SNCAIP: variants seen among roughly 807,000 people sequenced by gnomAD.
SNCAIP encodes synuclein alpha interacting protein, also known as synphilin-1.
A neutral mutation model predicts 86.7 loss-of-function variants in SNCAIP; 43 were observed. That is an observed-to-expected ratio of 0.50 (90% CI 0.39 to 0.64). The LOEUF is 0.64. SNCAIP is among the 30% of genes least tolerant of loss of function. The pLI, the probability that SNCAIP is intolerant of heterozygous loss-of-function variation, is 0.00. For synonymous variants in SNCAIP, 417 were observed against 427.2 expected, an observed-to-expected ratio of 0.98 and a Z score of 0.29; for missense variants, 981 against 1,103.1, an observed-to-expected ratio of 0.89 and a Z score of 1.57.
chr5:122,422,021 AAAAAAAAC>A (rs924257994), intron 3 of SNCAIP, among the ~76,000 whole-genome samples: 30 of 109,976 alleles, frequency 2.7e-4, no homozygotes, highest in African/African-American at 1.1e-3. Context: ...AAAAAAAAAA[AAAAAAAAC>A]CACTCTGCCT....
intron 5 of SNCAIP, among the ~76,000 whole-genome samples, chr5:122,430,285 A>G (rs1778158401): frequency 6.6e-6 from 1 of 152,172 alleles, no homozygotes; most frequent in South Asian, 2.1e-4. Context: ...CTCCTGGGCT[A>G]AAATCCCACA....
At chr5:122,357,087 T>G (rs1437621721) in intron 1 of SNCAIP, among the ~76,000 whole-genome samples, 4 of 152,178 alleles carry the variant, frequency 2.6e-5, no homozygotes, top group East Asian at 3.9e-4. Context: ...GGCCTTCCTG[T>G]CTTGTTTCTC....
chr5:122,451,440 C>T lies in SNCAIP; in HGVS notation c.2593C>T (p.Arg865Ter), dbSNP rs1049876894. ...DQLKRPFGAFRSIMETLSGNQ... is the reference protein window; with the variant it reads ...DQLKRPFGAF ...ACTGAAAAGGCCTTTTGGAGCCTTT[C>T]GATCTATCATGGAGACACTAAGTGG... is the stretch of plus-strand genomic sequence containing the variant. Residue 865 changes from arginine to a stop codon, truncating the protein, a stop_gained, in exon 10 of 11, where the codon CGA becomes TGA. Coordinates refer to ENST00000261368, the MANE Select transcript of SNCAIP (RefSeq NM_005460.4). LOFTEE classifies it high-confidence loss of function. The T allele has an allele frequency of 2.5e-6, 4 of 1,614,018 alleles. No homozygotes were observed. Among genetic ancestry groups the T allele is most frequent in the Non-Finnish European group, 3.4e-6 (4 of 1,179,984 alleles).
chr5:122,359,900 G>T (rs546633016), intron 1 of SNCAIP, among the ~76,000 whole-genome samples: 2 of 152,250 alleles, frequency 1.3e-5, no homozygotes, highest in Admixed American at 1.3e-4. Context: ...TAAAAATCTT[G>T]TTCTTTAACA....
chr5:122,429,749 G>T (rs527769129), intron 5 of SNCAIP, among the ~76,000 whole-genome samples: 2 of 152,262 alleles, frequency 1.3e-5, no homozygotes, highest in East Asian at 3.9e-4. Flanking sequence ...TGAGGGTAAG[G>T]GGTTCGTAAA....
intron 5 of SNCAIP, among the ~76,000 whole-genome samples, chr5:122,428,339 A>G (rs2152936492): frequency 6.6e-6 from 1 of 152,232 alleles, no homozygotes; most frequent in East Asian, 1.9e-4. Context: ...TTTTCTTAGT[A>G]TTTATATTTA....
At chr5:122,401,242 A>T (rs887319441) in intron 2 of SNCAIP, 1 of 1,006,108 alleles carries the variant, frequency 9.9e-7, no homozygotes, top group African/African-American at 1.7e-5. Context: ...CATACTTGTA[A>T]GGGAGACTTC....
At chr5:122,400,105 G>T (rs559341317) in intron 2 of SNCAIP, among the ~76,000 whole-genome samples, 2 of 152,090 alleles carry the variant, frequency 1.3e-5, no homozygotes, top group East Asian at 1.9e-4. Flanking sequence ...GGCATTTCAG[G>T]TAGATGGAGT....
chr5:122,410,886 C>T (rs1352214175), intron 3 of SNCAIP, among the ~76,000 whole-genome samples: 1 of 152,192 alleles, frequency 6.6e-6, no homozygotes, highest in Non-Finnish European at 1.5e-5. Flanking sequence ...TTAAACACAT[C>T]GCATCTTTGC....
intron 10 of SNCAIP, among the ~76,000 whole-genome samples, chr5:122,452,047 G>A (rs1397102582): frequency 6.6e-6 from 1 of 152,142 alleles, no homozygotes; most frequent in Non-Finnish European, 1.5e-5. Flanking sequence ...ATAAATAGAT[G>A]CTCTATTGCC....
At chr5:122,350,040 G>A (rs570132454) in intron 1 of SNCAIP, among the ~76,000 whole-genome samples, 4 of 152,208 alleles carry the variant, frequency 2.6e-5, no homozygotes, top group East Asian at 1.9e-4. Context: ...ATGAAGTTAG[G>A]GAATAATGGA....
rs537646383 is a variant in SNCAIP at position 122,348,508 on chromosome 5, T to C, written c.-47+36224T>C. On this transcript the variant is annotated intron_variant, in intron 1 of 10. Coordinates refer to ENST00000261368, the MANE Select transcript of SNCAIP (RefSeq NM_005460.4). The stretch of plus-strand genomic sequence containing the variant: ...TCTAAAACCCTATCAAGTTAATGTT[T>C]CTGTTCATCAGTTTGGGGCTGATTA... Among the ~76,000 whole-genome samples, 4 of 152,284 alleles carry C rather than the reference T, an allele frequency of 2.6e-5. No individual in the cohort carries two copies. The East Asian group carries it at 7.7e-4, about 29-fold the overall frequency.
At chr5:122,408,282 C>T (rs541934032) in intron 3 of SNCAIP, among the ~76,000 whole-genome samples, 3 of 152,280 alleles carry the variant, frequency 2.0e-5, no homozygotes, top group South Asian at 2.1e-4. Flanking sequence ...CAAGTAGGGC[C>T]GTCCATTCTG....
intron 1 of SNCAIP, among the ~76,000 whole-genome samples, chr5:122,342,033 T>C (rs1400278480): frequency 6.6e-6 from 1 of 152,190 alleles, no homozygotes; most frequent in African/African-American, 2.4e-5. Context: ...AGGGTGGAAC[T>C]AACACTTCTG....
intron 3 of SNCAIP, among the ~76,000 whole-genome samples, chr5:122,416,813 C>T (rs167349): frequency 0.42 from 63,292 of 151,948 alleles, 13,356 homozygotes; most frequent in East Asian, 0.6. Context: ...CCTCCTTTTG[C>T]TGTGAAAATG....
chr5:122,349,231 T>C (rs1023731261), intron 1 of SNCAIP, among the ~76,000 whole-genome samples: 5 of 152,194 alleles, frequency 3.3e-5, no homozygotes, highest in Admixed American at 3.3e-4. Flanking sequence ...CAACTCTGGT[T>C]ACACATTAAA....
At chr5:122,386,944 A>G (rs1768282833) in intron 1 of SNCAIP, among the ~76,000 whole-genome samples, 1 of 152,124 alleles carries the variant, frequency 6.6e-6, no homozygotes. Flanking sequence ...TGGTGGACAA[A>G]TCTTGAAAAA....
Position 122,363,788 on chromosome 5 carries a change from CTATTTATTTATTTATT to C in SNCAIP, c.-46-27267_-46-27252del, listed in dbSNP as rs143825884. ...TGAAAAAATAAGCATTTATTGTCAACTATTTATTTATTTATTTATTTATTTATTTATTTATTTATTT... is the reference window on the plus strand; with the variant it reads ...TGAAAAAATAAGCATTTATTGTCAACTATTTATTTATTTATTTATTTATTT... On this transcript the variant is annotated intron_variant, in intron 1 of 10. Coordinates refer to ENST00000261368, the MANE Select transcript of SNCAIP (RefSeq NM_005460.4). 1.4e-3 allele frequency among the ~76,000 whole-genome samples: 195 copies of C among 142,908 alleles called. 2 individuals are homozygous for C. The South Asian group carries it at 0.017, about 13-fold the overall frequency. 93.8% of individuals were successfully genotyped at this position (142,908 alleles called of 152,430 possible). A position where few individuals can be genotyped will look rare whatever the true frequency, so the allele number is the denominator to read the frequency against.
chr5:122,367,519 A>C (rs991372206), intron 1 of SNCAIP, among the ~76,000 whole-genome samples: 6 of 152,174 alleles, frequency 3.9e-5, no homozygotes, highest in African/African-American at 1.2e-4. Flanking sequence ...GTATGTGGTC[A>C]GGTTCCAAAA....
Sources: gnomAD v4.1 joint callset for allele counts (sites outside exome capture counted in the v4.1 genomes callset) on GRCh38, gnomAD v4.1.1 for gene constraint, MANE v1.5 for transcripts, NCBI Gene and HGNC (gene_info 2026-07-23, HGNC 2026-07-21) for gene names.